Variants in MYH4 observed in about 807,000 individuals in gnomAD.
The protein encoded by MYH4 is myosin heavy chain 4, also known as myosin-4.
Under a neutral mutation model 229.9 loss-of-function variants are expected in MYH4, and 200 were observed. The observed-to-expected ratio is 0.87, with a 90% CI of 0.78 to 0.98. The LOEUF is 0.98. Among genes scored for constraint, MYH4 ranks in the 50% least tolerant of loss-of-function variants. The probability of loss-of-function intolerance (pLI) is 0.00; values close to 1 mark genes in which losing one functional copy is unlikely to be tolerated. For missense variants in MYH4, 2,148 were observed against 2,332.6 expected (o/e 0.92, Z 1.63); for synonymous variants, 761 against 834.6 (o/e 0.91, Z 1.52).
intron 9 of MYH4, 37 bp downstream of exon 9, chr17:10,463,301 G>C (rs2072722011): frequency 1.3e-6 from 2 of 1,574,100 alleles, no homozygotes; most frequent in Non-Finnish European, 1.7e-6. Context: ...TACCCACAAA[G>C]AAAAAGATTC....
chr17:10,462,461 A>C (rs1218875424), intron 11 of MYH4, among the ~76,000 whole-genome samples: 3 of 152,216 alleles, frequency 2.0e-5, no homozygotes, highest in Non-Finnish European at 4.4e-5. Flanking sequence ...TTATGTTTAC[A>C]TGTGACTGTA....
intron 35 of MYH4, among the ~76,000 whole-genome samples, chr17:10,446,275 G>A (rs1405275976): frequency 6.6e-6 from 1 of 151,940 alleles, no homozygotes; most frequent in African/African-American, 2.4e-5. Flanking sequence ...TATTGTAAAA[G>A]ATAGTAGAAC....
In MYH4 at chr17:10,455,045, T is replaced by A; in HGVS notation, c.2331A>T (p.Leu777=). 5 of 1,614,216 alleles carry A rather than the reference T, an allele frequency of 3.1e-6. No individual in the cohort carries two copies. The highest frequency in any genetic ancestry group is 4.2e-6 in the Non-Finnish European group (5 of 1,180,042). Residue 777 remains leucine, a synonymous_variant, in exon 21 of 40, where the codon CTA becomes CTT. Transcript: ENST00000255381. The stretch of plus-strand genomic sequence containing the variant: ...CTAGCTTTTCATCTCGCATTTCCTC[T>A]AGAGTTCCCAGCAGGCCAGCTTTGA... The part of the protein sequence containing the change: ...VFFKAGLLGT[L]EEMRDEKLAQ...
chr17:10,456,449 G>T, intron 17 of MYH4, 36 bp downstream of exon 17: 2 of 1,516,636 alleles, frequency 1.3e-6, no homozygotes, highest in Middle Eastern at 1.8e-4. Context: ...GTTTTTTAAT[G>T]AAAGTATTTA....
At chr17:10,466,252 T>C in intron 4 of MYH4, 21 bp downstream of exon 4, 1 of 1,611,200 alleles carries the variant, frequency 6.2e-7, no homozygotes, top group Middle Eastern at 1.7e-4. Context: ...GAGTGAGAAA[T>C]AGCGTTGAAA....
intron 30 of MYH4, 121 bp downstream of exon 30, chr17:10,450,332 A>G (rs2072558523): frequency 1.3e-6 from 2 of 1,493,012 alleles, no homozygotes; most frequent in African/African-American, 1.4e-5. Context: ...CCACCAACCT[A>G]TAATAAAATA....
intron 22 of MYH4, 49 bp downstream of exon 22, chr17:10,454,506 A>G (rs1001007128): frequency 6.3e-6 from 10 of 1,577,508 alleles, no homozygotes; most frequent in Admixed American, 1.9e-5. Flanking sequence ...TTCATTTTAA[A>G]ACGTTAAAAG....
rs1249534277 is a variant in MYH4 at position 10,447,887 on chromosome 17, C to G, written c.4896G>C (p.Gln1632His). ...MEGDLNEMEI[Q>H]LNHANRQAAE... ...CAGCCTGGCGGTTGGCATGGTTCAG[C>G]TGGATTTCCATTTCATTAAGATCTC... Residue 1632 changes from glutamine to histidine, a missense_variant, in exon 34 of 40, where the codon CAG becomes CAC. Gln to His is a conservative substitution (Grantham distance 24). Transcript: ENST00000255381. The G allele has an allele frequency of 6.2e-7, 1 of 1,613,952 alleles. No individual in the cohort carries two copies. Among genetic ancestry groups the G allele is most frequent in the Non-Finnish European group, 8.5e-7 (1 of 1,179,996 alleles).
intron 15 of MYH4, among the ~76,000 whole-genome samples, chr17:10,458,065 T>G (rs2072661111): frequency 6.6e-6 from 1 of 152,202 alleles, no homozygotes; most frequent in Non-Finnish European, 1.5e-5. Flanking sequence ...TATAACTTCC[T>G]TTACCTCGAA....
rs1274718255 is a variant in MYH4, at chr17:10,455,091, A to T, written c.2299-14T>A. ...TTTGAAGAAAACCTTATGAAAGAACAAGTTAAATATGTTATTTCCACTTAC... is the reference window on the plus strand; with the variant it reads ...TTTGAAGAAAACCTTATGAAAGAACTAGTTAAATATGTTATTTCCACTTAC... On this transcript the variant is annotated splice_polypyrimidine_tract_variant and intron_variant, in intron 20 of 39. Coordinates refer to ENST00000255381, the MANE Select transcript of MYH4 (RefSeq NM_017533.2). 6.2e-6 allele frequency: 10 copies of T among 1,614,032 alleles called. No homozygotes were observed. Among genetic ancestry groups the T allele is most frequent in the Non-Finnish European group, 1.7e-6 (2 of 1,180,002 alleles).
intron 14 of MYH4, 61 bp from the exon 15 acceptor site, chr17:10,459,482 T>G: frequency 6.2e-7 from 1 of 1,611,204 alleles, no homozygotes; most frequent in Admixed American, 1.7e-5. Flanking sequence ...ACAGAGTATC[T>G]ATTAGTATTT....
rs2072755210 is a variant in MYH4, at chr17:10,465,614, G to A, written c.349-16C>T. 2.5e-6 allele frequency: 4 copies of A among 1,614,012 alleles called. No homozygotes were observed. In the Middle Eastern group the frequency reaches 6.6e-4, roughly 266 times the overall value. ...CCGAGTAGGTCTGTGGGAAAGGACG[G>A]GGTTCCTCGATCAGCAATCACCTTG... On this transcript the variant is annotated splice_polypyrimidine_tract_variant and intron_variant, in intron 4 of 39. Coordinates refer to ENST00000255381, the MANE Select transcript of MYH4 (RefSeq NM_017533.2).
In MYH4 at chr17:10,447,877, C is replaced by T. The variant is rs2072528948; in HGVS notation, c.4906G>A (p.Ala1636Thr). 1 of 1,613,882 alleles carries T rather than the reference C, an allele frequency of 6.2e-7. No individual in the cohort carries two copies. The highest frequency in any genetic ancestry group is 1.3e-5 in the African/African-American group (1 of 74,894). ...LNEMEIQLNH[A>T]NRQAAEALRN... ...AGTGCCTCAGCAGCCTGGCGGTTGG[C>T]ATGGTTCAGCTGGATTTCCATTTCA... Residue 1636 changes from alanine to threonine, a missense_variant, in exon 34 of 40, where the codon GCC becomes ACC. By Grantham distance (58) the Ala-to-Thr change is moderately conservative. Coordinates refer to ENST00000255381, the MANE Select transcript of MYH4 (RefSeq NM_017533.2).
rs753534048 is a variant in MYH4, at chr17:10,448,673, G to T, written c.4476C>A (p.Tyr1492Ter). The T allele has an allele frequency of 6.2e-7, 1 of 1,614,040 alleles. No individual in the cohort carries two copies. Among genetic ancestry groups the T allele is most frequent in the African/African-American group, 1.3e-5 (1 of 75,010 alleles). The change falls in exon 32 of 40, where the codon TAC (tyrosine) becomes TAA (stop). Residue 1492 changes from tyrosine to a stop codon, truncating the protein, a stop_gained. Coordinates refer to ENST00000255381, the MANE Select transcript of MYH4 (RefSeq NM_017533.2). LOFTEE classifies it high-confidence loss of function. ...TTTCAAGATGATCCAGGGATTCCTCGTAGGCATTCTTCACCTTGAACAGCT... is the reference window on the plus strand; with the variant it reads ...TTTCAAGATGATCCAGGGATTCCTCTTAGGCATTCTTCACCTTGAACAGCT... ...STELFKVKNA[Y>*]EESLDHLETL...
chr17:10,459,116 C>T, intron 15 of MYH4, 135 bp downstream of exon 15: 1 of 1,436,716 alleles, frequency 7.0e-7, no homozygotes, highest in Non-Finnish European at 9.5e-7. Context: ...TGGAACATAC[C>T]TCACAACCAA....
At position 10,452,490 on chromosome 17, in the gene MYH4, T is replaced by A; in HGVS notation, c.3274A>T (p.Ser1092Cys). 6.2e-7 allele frequency: 1 copy of A among 1,614,008 alleles called. No individual in the cohort carries two copies. The highest frequency in any genetic ancestry group is 8.5e-7 in the Non-Finnish European group (1 of 1,179,922). ...TCTTCAATCTTGCCTTGCAGATTGCTCATTTCAAACTCTTTCCTATTAGAA... is the reference window on the plus strand; with the variant it reads ...TCTTCAATCTTGCCTTGCAGATTGCACATTTCAAACTCTTTCCTATTAGAA... ...EKLKKKEFEMSNLQGKIEDEQ... is the reference protein window; with the variant it reads ...EKLKKKEFEMCNLQGKIEDEQ... The change falls in exon 26 of 40, where the codon AGC (serine) becomes TGC (cysteine). Residue 1092 changes from serine (S) to cysteine (C), a missense_variant. Coordinates refer to ENST00000255381, the MANE Select transcript of MYH4 (RefSeq NM_017533.2).
rs771965484 is a variant in MYH4, at chr17:10,455,024, C to T, written c.2352G>A (p.Lys784=). The T allele has an allele frequency of 1.2e-6, 2 of 1,614,194 alleles. No homozygotes were observed. The highest frequency in any genetic ancestry group is 8.5e-7 in the Non-Finnish European group (1 of 1,180,038). Residue 784 remains lysine, a synonymous_variant, in exon 21 of 40, where the codon AAG becomes AAA. Coordinates refer to ENST00000255381, the MANE Select transcript of MYH4 (RefSeq NM_017533.2). The part of the protein sequence containing the change: ...LGTLEEMRDE[K]LAQLITRTQA... ...GAGTGCGCGTGATGAGTTGAGCTAG[C>T]TTTTCATCTCGCATTTCCTCTAGAG...
intron 14 of MYH4, 22 bp from the exon 15 acceptor site, chr17:10,459,443 G>C: frequency 6.2e-7 from 1 of 1,614,026 alleles, no homozygotes; most frequent in Non-Finnish European, 8.5e-7. Context: ...GATAAATATA[G>C]GAAATTACGC....
Position 10,450,275 on chromosome 17 carries a change from C to T in MYH4, c.4181+178G>A, listed in dbSNP as rs184731938. ...TGGAGGGATCTGGTCTCATTCCATT[C>T]TCCAGTGGACATACACTGGGCTTTA... On this transcript the variant is annotated intron_variant, in intron 30 of 39. Transcript: ENST00000255381. Among the ~76,000 whole-genome samples, 7 of 152,272 alleles carry T rather than the reference C, an allele frequency of 4.6e-5. No individual in the cohort carries two copies. In the East Asian group the frequency reaches 1.4e-3, roughly 29 times the overall value.
Sources: gnomAD v4.1 joint callset for allele counts (sites outside exome capture counted in the v4.1 genomes callset) on GRCh38, gnomAD v4.1.1 for gene constraint, MANE v1.5 for transcripts, NCBI Gene and HGNC (gene_info 2026-07-23, HGNC 2026-07-21) for gene names.